LAMA1: variants seen among roughly 807,000 people sequenced by gnomAD.
LAMA1 encodes laminin subunit alpha-1.
LAMA1 carries 219 observed loss-of-function variants against 348.7 expected under a neutral mutation model. The ratio of observed to expected loss-of-function variants is 0.63; its 90% CI spans 0.56 to 0.70. The LOEUF (loss-of-function observed/expected upper bound fraction) is 0.70. LAMA1 is among the 30% of genes least tolerant of loss of function. LAMA1 has a pLI of 0.00. For synonymous variants in LAMA1, 1,487 were observed against 1,491.0 expected (o/e 1.00, Z 0.06); for missense variants, 3,744 against 3,888.0 (o/e 0.96, Z 0.99).
Position 7,035,991 on chromosome 18 carries a change from A to G in LAMA1, c.1835T>C (p.Ile612Thr). ...SNLMSHADVIIKGNGLTLSTQ... is the reference protein window; with the variant it reads ...SNLMSHADVITKGNGLTLSTQ... ...AATCAAAGCAAAAACAATCACCTTA[A>G]TGATGACGTCAGCATGCGACATGAG... is the stretch of plus-strand genomic sequence containing the variant. The change falls in exon 13 of 63, where the codon ATT (isoleucine) becomes ACT (threonine). Residue 612 changes from isoleucine to threonine, a missense_variant. By Grantham distance (89) the Ile-to-Thr change is moderately conservative. This residue lies in a region of LAMA1 where 1,529 missense variants were observed against 1,689.4 expected (regional missense o/e 0.91). Transcript: ENST00000389658. 1 of 1,612,476 alleles carries G rather than the reference A, an allele frequency of 6.2e-7. No individual in the cohort carries two copies. Among genetic ancestry groups the G allele is most frequent in the Non-Finnish European group, 8.5e-7 (1 of 1,178,466 alleles).
chr18:6,959,236 G>T, intron 54 of LAMA1, 105 bp downstream of exon 54: 1 of 1,435,496 alleles, frequency 7.0e-7, no homozygotes, highest in Non-Finnish European at 9.8e-7. Flanking sequence ...GGATGCCGAT[G>T]ACCCCAGTCA....
chr18:7,044,664 A>C (rs2058034569), intron 7 of LAMA1, 58 bp downstream of exon 7: 1 of 1,319,178 alleles, frequency 7.6e-7, no homozygotes, highest in African/African-American at 1.5e-5. Flanking sequence ...AGACACCATA[A>C]ACTTGGGACG....
At chr18:6,967,260 G>A (rs1244938827) in intron 48 of LAMA1, among the ~76,000 whole-genome samples, 1 of 152,130 alleles carries the variant, frequency 6.6e-6, no homozygotes, top group Non-Finnish European at 1.5e-5. Context: ...CCATCATGTG[G>A]TCTCTTTGAG....
rs1467729727 is a variant in LAMA1 at position 6,980,546 on chromosome 18, G to C, written c.5982C>G (p.Leu1994=). The C allele has an allele frequency of 1.9e-6, 3 of 1,609,718 alleles. No homozygotes were observed. The highest frequency in any genetic ancestry group is 2.6e-6 in the Non-Finnish European group (3 of 1,176,060). Residue 1994 remains leucine (L), a synonymous_variant, in exon 42 of 63, where the codon CTC becomes CTG. Coordinates refer to ENST00000389658, the MANE Select transcript of LAMA1 (RefSeq NM_005559.4). The part of the protein sequence containing the change: ...VEITRQTNES[L]LILRAIPKGI... ...CTTTAGGAATTGCTCTAAGTATCAA[G>C]AGTGATTCATTGGTTTGCCTGGTAA... is the stretch of plus-strand genomic sequence containing the variant.
intron 3 of LAMA1, among the ~76,000 whole-genome samples, chr18:7,055,640 C>T (rs939694242): frequency 1.3e-5 from 2 of 151,922 alleles, no homozygotes; most frequent in Non-Finnish European, 2.9e-5. Context: ...ACAATTCTAT[C>T]TCATTATAGT....
At chr18:7,033,678 T>G (rs1483985396) in intron 14 of LAMA1, among the ~76,000 whole-genome samples, 1 of 152,098 alleles carries the variant, frequency 6.6e-6, no homozygotes, top group Non-Finnish European at 1.5e-5. Context: ...ATCCATTCAA[T>G]TATCACAAAT....
At chr18:6,974,757 T>C in intron 46 of LAMA1, 146 bp downstream of exon 46, 1 of 1,102,446 alleles carries the variant, frequency 9.1e-7, no homozygotes, top group Non-Finnish European at 1.3e-6. Flanking sequence ...TGCTTATTTC[T>C]ACAGCTAACC....
At chr18:7,050,516 A>T (rs374515612) in intron 4 of LAMA1, among the ~76,000 whole-genome samples, 178 bp downstream of exon 4, 58 of 152,354 alleles carry the variant, frequency 3.8e-4, no homozygotes, top group African/African-American at 1.2e-3. Flanking sequence ...AGAGGAAGTC[A>T]ACAAGGTAAA....
intron 1 of LAMA1, among the ~76,000 whole-genome samples, chr18:7,098,712 G>A (rs1270620384): frequency 6.8e-6 from 1 of 146,898 alleles, no homozygotes; most frequent in Non-Finnish European, 1.5e-5. Flanking sequence ...CATCCGGGAG[G>A]GAGGTGGGGG....
chr18:7,074,128 C>T (rs562194309), intron 3 of LAMA1, among the ~76,000 whole-genome samples: 10 of 152,202 alleles, frequency 6.6e-5, no homozygotes, highest in East Asian at 1.9e-4. Context: ...CCACCACGCC[C>T]GGCCAGAACA....
chr18:6,942,817 C>T (rs1271471728), intron 62 of LAMA1, among the ~76,000 whole-genome samples: 1 of 152,132 alleles, frequency 6.6e-6, no homozygotes, highest in African/African-American at 2.4e-5. Context: ...ATCTAAAATA[C>T]ATAATTCTAA....
Position 7,038,898 on chromosome 18 carries a change from A to C in LAMA1, c.1475T>G (p.Leu492Trp), listed in dbSNP as rs769772565. The C allele has an allele frequency of 3.7e-6, 6 of 1,613,894 alleles. No individual in the cohort carries two copies. The highest frequency in any genetic ancestry group is 5.1e-6 in the Non-Finnish European group (6 of 1,179,920). The change falls in exon 11 of 63, where the codon TTG becomes TGG. Residue 492 changes from leucine (L) to tryptophan (W), a missense_variant. By Grantham distance (61) the Leu-to-Trp change is moderately conservative. This residue lies in a region of LAMA1 where 1,529 missense variants were observed against 1,689.4 expected (regional missense o/e 0.91). Transcript: ENST00000389658. Reference sequence around the variant, plus strand: ...GCAGCCCCGGGGGTTTTTTTCCTTCAAGTTATAGAATCCTGGCTTGCAGCG... The same window carrying C: ...GCAGCCCCGGGGGTTTTTTTCCTTCCAGTTATAGAATCCTGGCTTGCAGCG... ...CDRCKPGFYN[L>W]KEKNPRGCSE... is the part of the protein sequence containing the mutation.
intron 29 of LAMA1, among the ~76,000 whole-genome samples, chr18:7,006,129 G>A (rs1184225114): frequency 6.6e-6 from 1 of 152,154 alleles, no homozygotes; most frequent in Non-Finnish European, 1.5e-5. Context: ...GAGGCTTCAG[G>A]AGTAGGAAAC....
chr18:6,965,174 A>G (rs769275568), intron 50 of LAMA1, 114 bp downstream of exon 50: 6 of 1,337,082 alleles, frequency 4.5e-6, no homozygotes, highest in Non-Finnish European at 6.4e-6. Context: ...GCTTCCAAGT[A>G]GACTATCATT....
intron 48 of LAMA1, among the ~76,000 whole-genome samples, chr18:6,968,053 A>G (rs919350679): frequency 6.6e-6 from 1 of 152,160 alleles, no homozygotes. Flanking sequence ...CCAGAGGCAC[A>G]TGTGCCTCAA....
chr18:6,987,827 C>T (rs2057741921), intron 36 of LAMA1, among the ~76,000 whole-genome samples: 1 of 152,134 alleles, frequency 6.6e-6, no homozygotes, highest in Non-Finnish European at 1.5e-5. Flanking sequence ...AAAGACGTTG[C>T]ATTATGAGCA....
In LAMA1 at chr18:7,043,859, A is replaced by T. The variant is rs118027704; in HGVS notation, c.977-454T>A. Reference sequence around the variant, plus strand: ...AGAATTTCACAATACATTGTTAAATATAAAAAGCGATGTGGGCTGGGCGCC... The same window carrying T: ...AGAATTTCACAATACATTGTTAAATTTAAAAAGCGATGTGGGCTGGGCGCC... On this transcript the variant is annotated intron_variant, in intron 7 of 62. Transcript: ENST00000389658. Among the ~76,000 whole-genome samples, 276 of 152,330 alleles carry T rather than the reference A, an allele frequency of 1.8e-3. 5 individuals carry two copies. In the East Asian group the frequency reaches 0.045, roughly 25 times the overall value.
At chr18:7,117,244 C>G (rs1015493465) in intron 1 of LAMA1, among the ~76,000 whole-genome samples, 1 of 152,074 alleles carries the variant, frequency 6.6e-6, no homozygotes, top group Admixed American at 6.5e-5. Flanking sequence ...ATTCATCCCC[C>G]GCGCCCGGCC....
rs777630614 is a variant in LAMA1, at chr18:7,012,024, A to G, written c.3478T>C (p.Ser1160Pro). ...CFCSGLSHLC[S>P]ELEDYVRTPV... Reference sequence around the variant, plus strand: ...GTCCTCACGTAGTCCTCCAGCTCTGAGCAGAGGTGGGACAGCCCGGAGCAG... The same window carrying G: ...GTCCTCACGTAGTCCTCCAGCTCTGGGCAGAGGTGGGACAGCCCGGAGCAG... Residue 1160 changes from serine (S) to proline (P), a missense_variant, in exon 24 of 63, where the codon TCA becomes CCA. Physicochemically the swap from Ser to Pro is moderately conservative, Grantham distance 74. This residue lies in a region of LAMA1 where 1,529 missense variants were observed against 1,689.4 expected (regional missense o/e 0.91). Transcript: ENST00000389658. 4 of 1,610,052 alleles carry G rather than the reference A, an allele frequency of 2.5e-6. No homozygotes were observed.
Sources: allele counts gnomAD v4.1 joint callset (sites outside exome capture counted in the v4.1 genomes callset), GRCh38; gene constraint gnomAD v4.1.1; regional missense constraint gnomAD v4.1.1; transcripts MANE v1.5; gene names NCBI Gene and HGNC (gene_info 2026-07-23, HGNC 2026-07-21).